Variants in MCC observed in about 807,000 individuals in gnomAD.
MCC encodes the protein colorectal mutant cancer protein.
In MCC, 90 loss-of-function variants were observed where a neutral mutation model predicts 116.2. The ratio of observed to expected loss-of-function variants is 0.77; its 90% CI spans 0.65 to 0.92. MCC has a LOEUF of 0.92. MCC is among the 40% of genes least tolerant of loss of function. MCC has a pLI of 0.00. For missense variants in MCC, 1,516 were observed against 1,312.2 expected, an observed-to-expected ratio of 1.16 and a Z score of -2.40; for synonymous variants, 578 against 510.5, an observed-to-expected ratio of 1.13 and a Z score of -1.78.
intron 1 of MCC, among the ~76,000 whole-genome samples, chr5:113,396,531 G>T (rs1046828162): frequency 6.6e-6 from 1 of 151,888 alleles, no homozygotes; most frequent in African/African-American, 2.4e-5. Context: ...CAGCTACTCA[G>T]GAGGCTGAGG....
At chr5:113,425,321 G>C (rs1002716003) in intron 1 of MCC, among the ~76,000 whole-genome samples, 1 of 152,160 alleles carries the variant, frequency 6.6e-6, no homozygotes, top group African/African-American at 2.4e-5. Flanking sequence ...TGAAAGGGCA[G>C]AATCAAGACA....
At chr5:113,488,139 T>C in intron 1 of MCC, 106 bp downstream of exon 1, 1 of 1,196,802 alleles carries the variant, frequency 8.4e-7, no homozygotes. Flanking sequence ...CCCGCGAGCT[T>C]CTGAGCAACT....
intron 1 of MCC, among the ~76,000 whole-genome samples, chr5:113,484,946 C>G (rs903122872): frequency 1.3e-5 from 2 of 152,180 alleles, no homozygotes; most frequent in Non-Finnish European, 2.9e-5. Context: ...GGTGGTCTCA[C>G]TCTGCTGCCC....
At chr5:113,277,222 G>A (rs1479404791) in intron 3 of MCC, among the ~76,000 whole-genome samples, 1 of 150,930 alleles carries the variant, frequency 6.6e-6, no homozygotes, top group East Asian at 1.9e-4. Flanking sequence ...AAAAAAAACA[G>A]CCAGACATCA....
In MCC at chr5:113,314,738, C is replaced by A. The variant is rs144862996; in HGVS notation, c.627+25781G>T. Among the ~76,000 whole-genome samples the A allele has an allele frequency of 1.8e-3, 272 of 152,282 alleles. 1 individual carries two copies. Among genetic ancestry groups the A allele is most frequent in the African/African-American group, 6.3e-3 (261 of 41,558 alleles). On this transcript the variant is annotated intron_variant, in intron 3 of 18. Coordinates refer to ENST00000408903, the MANE Select transcript of MCC (RefSeq NM_001085377.2). The stretch of plus-strand genomic sequence containing the variant: ...GAGTAGCTGGGACTACAGGCATGCA[C>A]CACCATGCCCAGCTAATTTTTGTAT...
chr5:113,038,925 C>T (rs186439417), intron 17 of MCC, among the ~76,000 whole-genome samples: 1 of 152,346 alleles, frequency 6.6e-6, no homozygotes, highest in African/African-American at 2.4e-5. Flanking sequence ...CTGGCAAACA[C>T]GCAGACACAG....
chr5:113,032,841 T>A (rs981301032), intron 17 of MCC, among the ~76,000 whole-genome samples: 1 of 152,130 alleles, frequency 6.6e-6, no homozygotes, highest in Non-Finnish European at 1.5e-5. Context: ...AAGAATGACC[T>A]CTAATCGTCC....
At chr5:113,198,560 C>T (rs1003046638) in intron 3 of MCC, among the ~76,000 whole-genome samples, 6 of 149,474 alleles carry the variant, frequency 4.0e-5, no homozygotes, top group South Asian at 2.1e-4. Flanking sequence ...AAAAAATAGC[C>T]GGGCATGATG....
At chr5:113,384,832 G>C (rs1431690717) in intron 2 of MCC, 136 bp downstream of exon 2, 11 of 927,678 alleles carry the variant, frequency 1.2e-5, no homozygotes, top group South Asian at 1.6e-5. Context: ...ACTCCCCCAG[G>C]GAAAGTGTGG....
At chr5:113,175,211 A>G (rs1761272194) in intron 3 of MCC, among the ~76,000 whole-genome samples, 1 of 152,208 alleles carries the variant, frequency 6.6e-6, no homozygotes, top group South Asian at 2.1e-4. Flanking sequence ...ATAAATTTTG[A>G]AAAATGGATA....
chr5:113,254,261 T>C (rs1476085801), intron 3 of MCC, among the ~76,000 whole-genome samples: 3 of 152,208 alleles, frequency 2.0e-5, no homozygotes, highest in Admixed American at 6.5e-5. Context: ...AGGCTCAAAG[T>C]ATACTTGCCA....
At chr5:113,126,319 A>T (rs2150273319) in intron 5 of MCC, among the ~76,000 whole-genome samples, 1 of 152,342 alleles carries the variant, frequency 6.6e-6, no homozygotes, top group Non-Finnish European at 1.5e-5. Flanking sequence ...AGACTGTTTT[A>T]GCCAGGACCA....
intron 3 of MCC, among the ~76,000 whole-genome samples, chr5:113,338,363 A>G (rs1470440006): frequency 6.6e-6 from 1 of 152,186 alleles, no homozygotes; most frequent in Non-Finnish European, 1.5e-5. Context: ...ACTCCCCTGA[A>G]GAGCCAACTT....
intron 3 of MCC, among the ~76,000 whole-genome samples, chr5:113,291,436 T>C (rs1018473228): frequency 5.9e-5 from 9 of 152,064 alleles, no homozygotes; most frequent in African/African-American, 2.2e-4. Context: ...TGTCAAAGAG[T>C]CAATGACTTC....
intron 6 of MCC, among the ~76,000 whole-genome samples, chr5:113,115,374 A>C (rs1168420310): frequency 2.6e-5 from 4 of 152,238 alleles, no homozygotes; most frequent in Non-Finnish European, 4.4e-5. Flanking sequence ...TCTCAAAGCA[A>C]TCGAGGCTGC....
chr5:113,220,188 G>A (rs1449465119), intron 3 of MCC, among the ~76,000 whole-genome samples: 2 of 127,562 alleles, frequency 1.6e-5, no homozygotes, highest in Admixed American at 1.6e-4. Context: ...CTCCTCAGTA[G>A]CTGGGATTAC....
chr5:113,479,186 T>G (rs348929), intron 1 of MCC, among the ~76,000 whole-genome samples: 1 of 152,016 alleles, frequency 6.6e-6, no homozygotes, highest in African/African-American at 2.4e-5. Context: ...GAATTTCACA[T>G]GCATGACATT....
chr5:113,072,350 G>C (rs994881078), intron 11 of MCC, among the ~76,000 whole-genome samples: 3 of 152,164 alleles, frequency 2.0e-5, no homozygotes, highest in Non-Finnish European at 4.4e-5. Context: ...GTCACTTCAA[G>C]GTAAGGTGCC....
At chr5:113,138,409 G>A (rs892130421) in intron 5 of MCC, among the ~76,000 whole-genome samples, 4 of 152,170 alleles carry the variant, frequency 2.6e-5, no homozygotes, top group African/African-American at 9.7e-5. Context: ...GGTCATGAGG[G>A]TGGGGTCCTC....
Sources: gnomAD v4.1 joint callset for allele counts (sites outside exome capture counted in the v4.1 genomes callset) on GRCh38, gnomAD v4.1.1 for gene constraint, MANE v1.5 for transcripts, NCBI Gene and HGNC (gene_info 2026-07-23, HGNC 2026-07-21) for gene names.